DNPEP: variants seen among roughly 807,000 people sequenced by gnomAD.
DNPEP encodes the protein aspartyl aminopeptidase.
A neutral mutation model predicts 59.1 loss-of-function variants in DNPEP; 46 were observed. The ratio of observed to expected loss-of-function variants is 0.78; its 90% CI spans 0.61 to 0.99. The LOEUF (loss-of-function observed/expected upper bound fraction) is 0.99. DNPEP is among the 50% of genes least tolerant of loss of function. The pLI is 0.00. For missense variants in DNPEP, 617 were observed against 649.9 expected (o/e 0.95, Z 0.55); for synonymous variants, 229 against 242.2 (o/e 0.95, Z 0.50).
Position 219,372,220 on chromosome 2 carries a change from A to G in DNPEP, c.*2072T>C, listed in dbSNP as rs1399626430. On this transcript the variant is annotated 3_prime_UTR_variant, in exon 15 of 15. Transcript: ENST00000273075. ...TAAGTAATACATGGTACATTCTGTT[A>G]TACAAAAGGAAACCATTACAAAAAG... Among the ~76,000 whole-genome samples the G allele has an allele frequency of 2.0e-5, 3 of 152,220 alleles. No homozygotes were observed.
Position 219,381,197 on chromosome 2 carries a change from T to C in DNPEP, c.1239+138A>G, listed in dbSNP as rs113473253. On this transcript the variant is annotated intron_variant, in intron 13 of 14. Transcript: ENST00000273075. ...GCATGGAATCCAGCTGTATCCAAAA[T>C]CCCTGCTTTTCTCACTCTACTGGGA... 2.1e-3 allele frequency: 1,562 copies of C among 759,296 alleles called. 14 individuals carry two copies. The highest frequency in any genetic ancestry group is 9.7e-3 in the African/African-American group (563 of 58,060). 47.0% of individuals were successfully genotyped at this position (759,296 alleles called of 1,614,324 possible). A position where few individuals can be genotyped will look rare whatever the true frequency, so the allele number is the denominator to read the frequency against.
Position 219,386,289 on chromosome 2 carries a change from G to T in DNPEP, c.456C>A (p.Val152=). Residue 152 remains valine, a synonymous_variant, in exon 5 of 15, where the codon GTC becomes GTA. Coordinates refer to ENST00000273075, the MANE Select transcript of DNPEP (RefSeq NM_012100.4). The part of the protein sequence containing the change: ...RDLTLAGRVI[V]KCPTSGRLEQ... ...CATCCCCAACCTCGGTTCCCACCTT[G>T]ACAATGACGCGTCCAGCCAGAGTCA... 6.2e-7 allele frequency: 1 copy of T among 1,614,180 alleles called. No individual in the cohort carries two copies. The highest frequency in any genetic ancestry group is 1.1e-5 in the South Asian group (1 of 91,074).
At position 219,385,698 on chromosome 2, in the gene DNPEP, A is replaced by G; in HGVS notation, c.599T>C (p.Ile200Thr). 6.2e-7 allele frequency: 1 copy of G among 1,604,676 alleles called. No homozygotes were observed. Among genetic ancestry groups the G allele is most frequent in the Non-Finnish European group, 8.5e-7 (1 of 1,175,102 alleles). ...CTCCTCCTGGATGGCTGTGGCAAGA[A>G]TGGGGACTCTGTGGGGAGACGTGGG... ...GPNTEMHLVP[I>T]LATAIQEELE... The change falls in exon 7 of 15, where the codon ATT (isoleucine) becomes ACT (threonine). Residue 200 changes from isoleucine (I) to threonine (T), a missense_variant. Coordinates refer to ENST00000273075, the MANE Select transcript of DNPEP (RefSeq NM_012100.4).
intron 8 of DNPEP, 161 bp from the exon 9 acceptor site, chr2:219,384,604 T>C (rs1953734035): frequency 1.8e-6 from 1 of 555,452 alleles, no homozygotes; most frequent in Non-Finnish European, 3.3e-6. Flanking sequence ...GGTTCGCTCT[T>C]GTCGCCCAGT....
intron 4 of DNPEP, 112 bp from the exon 5 acceptor site, chr2:219,386,523 A>C: frequency 6.6e-7 from 1 of 1,516,804 alleles, no homozygotes; most frequent in Non-Finnish European, 9.0e-7. Flanking sequence ...TGAAAGGCTC[A>C]AGGTGTGAAG....
In DNPEP at chr2:219,386,667, G is replaced by GA. The variant is rs1953852620; in HGVS notation, c.330_331insT (p.Arg111SerfsTer31). 1 of 1,610,580 alleles carries GA rather than the reference G, an allele frequency of 6.2e-7. No individual in the cohort carries two copies. Among genetic ancestry groups the GA allele is most frequent in the South Asian group, 1.1e-5 (1 of 90,180 alleles). ...CCAACACCGTCCGAGTTCCTTACCC[G>GA]GAGGCAGGGGCTGTCCGTGTGGGCC... is the stretch of plus-strand genomic sequence containing the variant. On this transcript the variant is annotated frameshift_variant, in exon 4 of 15. Coordinates refer to ENST00000273075, the MANE Select transcript of DNPEP (RefSeq NM_012100.4). LOFTEE classifies it high-confidence loss of function.
At chr2:219,385,275 G>T in intron 8 of DNPEP, 149 bp downstream of exon 8, 1 of 600,452 alleles carries the variant, frequency 1.7e-6, no homozygotes. Context: ...CACCGCCCTA[G>T]AAGCAGTGGG....
upstream of DNPEP, among the ~76,000 whole-genome samples, chr2:219,391,680 G>C (rs1049180522): frequency 6.6e-6 from 1 of 151,932 alleles, no homozygotes; most frequent in East Asian, 1.9e-4. Flanking sequence ...TATTCCACCC[G>C]TACTGTACAT....
upstream of DNPEP, among the ~76,000 whole-genome samples, chr2:219,390,718 T>C (rs1954003329): frequency 6.6e-6 from 1 of 152,098 alleles, no homozygotes; most frequent in Non-Finnish European, 1.5e-5. Context: ...TAATCCCAGC[T>C]ACTCAGGAGA....
intron 1 of DNPEP, 136 bp from the exon 2 acceptor site, chr2:219,387,299 C>A (rs749241491): frequency 2.9e-5 from 42 of 1,450,134 alleles, no homozygotes; most frequent in Non-Finnish European, 3.8e-5. Context: ...CCCGTCCCCA[C>A]CGAGAGACCC....
intron 8 of DNPEP, 73 bp from the exon 9 acceptor site, chr2:219,384,516 C>T (rs577671368): frequency 2.1e-5 from 28 of 1,344,860 alleles, no homozygotes; most frequent in Non-Finnish European, 2.9e-5. Flanking sequence ...TCCCAAGGGT[C>T]TCCTTGGTTT....
intron 9 of DNPEP, 111 bp from the exon 10 acceptor site, chr2:219,383,325 G>A (rs1038609871): frequency 2.4e-6 from 2 of 841,248 alleles, no homozygotes; most frequent in South Asian, 1.5e-5. Context: ...CCTTGGGTGT[G>A]CACATTCCCC....
At chr2:219,397,607 A>G (rs1176323937) in intron 1 of DNPEP, among the ~76,000 whole-genome samples, 1 of 152,236 alleles carries the variant, frequency 6.6e-6, no homozygotes, top group African/African-American at 2.4e-5. Flanking sequence ...GTGCAAAAAC[A>G]ATTGGATATG....
At chr2:219,387,313 C>T in intron 1 of DNPEP, 150 bp from the exon 2 acceptor site, 3 of 1,447,422 alleles carry the variant, frequency 2.1e-6, no homozygotes, top group Non-Finnish European at 2.7e-6. Context: ...GAGACCCAAA[C>T]CCAGGGCTGA....
At chr2:219,387,708 C>T in intron 1 of DNPEP, 51 bp downstream of exon 1, 8 of 1,605,908 alleles carry the variant, frequency 5.0e-6, no homozygotes, top group African/African-American at 1.3e-5. Context: ...CGGAGGGCGC[C>T]GGACCCGGTC....
chr2:219,380,842 T>TACACACACACACACAC (rs58867229), intron 13 of DNPEP, among the ~76,000 whole-genome samples: 1,931 of 145,674 alleles, frequency 0.013, 32 homozygotes, highest in African/African-American at 0.026. Flanking sequence ...CATATATATG[T>TACACACACACACACAC]ACACACACAC....
At chr2:219,390,221 C>T (rs115999676), upstream of DNPEP, among the ~76,000 whole-genome samples, 924 of 152,210 alleles carry the variant, frequency 6.1e-3, 3 homozygotes, top group South Asian at 1.0e-2. Flanking sequence ...GTAGTCAGAG[C>T]CAGTACCACA....
Position 219,381,557 on chromosome 2 carries a change from A to G in DNPEP, c.1125T>C (p.Pro375=). The G allele has an allele frequency of 6.2e-7, 1 of 1,614,200 alleles. No individual in the cohort carries two copies. The highest frequency in any genetic ancestry group is 8.5e-7 in the Non-Finnish European group (1 of 1,180,032). ...YLDKHEENHR[P]LFHKGPVIKV... is the part of the protein sequence containing the mutation. ...TGGCACGTCTCACCTTGTGGAATAA[A>G]GGCCGGTGGTTCTCCTCATGCTTGT... The change falls in exon 12 of 15, where the codon CCT becomes CCC. Residue 375 remains proline, a synonymous_variant. Transcript: ENST00000273075.
Position 219,374,854 on chromosome 2 carries a change from C to A in DNPEP, c.1407+1G>T, listed in dbSNP as rs775997334. The A allele has an allele frequency of 2.4e-5, 39 of 1,612,694 alleles. No individual in the cohort carries two copies. The highest frequency in any genetic ancestry group is 3.3e-5 in the Non-Finnish European group (39 of 1,178,926). ...CAGAGAGGGTCTGGGGTGGGTGTTACCTTGAAGAGGGTGAGGGTCTGGAGG... is the reference window on the plus strand; with the variant it reads ...CAGAGAGGGTCTGGGGTGGGTGTTAACTTGAAGAGGGTGAGGGTCTGGAGG... On this transcript the variant is annotated splice_donor_variant, in intron 14 of 14. Coordinates refer to ENST00000273075, the MANE Select transcript of DNPEP (RefSeq NM_012100.4). LOFTEE classifies it high-confidence loss of function.
Sources: gnomAD v4.1 joint callset for allele counts (sites outside exome capture counted in the v4.1 genomes callset) on GRCh38, gnomAD v4.1.1 for gene constraint, MANE v1.5 for transcripts, NCBI Gene and HGNC (gene_info 2026-07-23, HGNC 2026-07-21) for gene names.